AGBL1: variants seen among roughly 807,000 people sequenced by gnomAD.
The protein encoded by AGBL1 is cytosolic carboxypeptidase 4.
A neutral mutation model predicts 118.9 loss-of-function variants in AGBL1; 130 were observed. The ratio of observed to expected loss-of-function variants is 1.09; its 90% CI spans 0.95 to 1.26. AGBL1 has a LOEUF of 1.26. Ranked by LOEUF, AGBL1 falls within the 50% of genes most tolerant of loss-of-function variation. The pLI, the probability that AGBL1 is intolerant of heterozygous loss-of-function variation, is 0.00. For synonymous variants in AGBL1, 555 were observed against 478.9 expected (o/e 1.16, Z -2.08); for missense variants, 1,584 against 1,298.1 (o/e 1.22, Z -3.38).
chr15:86,993,613 T>C (rs76864825), intron 24 of AGBL1, among the ~76,000 whole-genome samples: 3,252 of 152,278 alleles, frequency 0.021, 103 homozygotes, highest in African/African-American at 0.073. Flanking sequence ...ATGCTGCCTT[T>C]GTTGAAGTTC....
chr15:86,485,144 G>A (rs906107541), intron 18 of AGBL1, among the ~76,000 whole-genome samples: 9 of 152,064 alleles, frequency 5.9e-5, no homozygotes, highest in African/African-American at 1.7e-4. Flanking sequence ...CTAAGCCGTC[G>A]CTACTTCAAG....
At chr15:86,309,869 A>G (rs189946747) in intron 17 of AGBL1, among the ~76,000 whole-genome samples, 283 of 152,264 alleles carry the variant, frequency 1.9e-3, no homozygotes, top group Admixed American at 3.4e-3. Context: ...ATGTTTATCA[A>G]ATATATTGGC....
intron 4 of AGBL1, among the ~76,000 whole-genome samples, chr15:86,157,207 C>G (rs191389743): frequency 6.6e-6 from 1 of 152,216 alleles, no homozygotes; most frequent in African/African-American, 2.4e-5. Context: ...CAGATGGAGC[C>G]TCTACTCACC....
At chr15:86,350,628 C>T (rs746352977) in intron 17 of AGBL1, among the ~76,000 whole-genome samples, 5 of 152,110 alleles carry the variant, frequency 3.3e-5, no homozygotes, top group Admixed American at 6.6e-5. Flanking sequence ...TCTACGGACA[C>T]GGGCTAGAGA....
chr15:86,363,287 T>G (rs113531881), intron 17 of AGBL1, among the ~76,000 whole-genome samples: 13 of 152,324 alleles, frequency 8.5e-5, no homozygotes, highest in African/African-American at 2.9e-4. Context: ...GCTATCTTAC[T>G]GGTGTCATTT....
At chr15:86,420,986 G>A (rs2142023584) in intron 18 of AGBL1, among the ~76,000 whole-genome samples, 1 of 152,290 alleles carries the variant, frequency 6.6e-6, no homozygotes, top group South Asian at 2.1e-4. Flanking sequence ...ATGTTTGATT[G>A]GTGTACCTGA....
intron 17 of AGBL1, among the ~76,000 whole-genome samples, chr15:86,298,275 ATATATG>A (rs1220257981): frequency 1.8e-5 from 2 of 111,364 alleles, no homozygotes; most frequent in South Asian, 2.6e-4. Flanking sequence ...ATATATATAT[ATATATG>A]GTAACTATAT....
chr15:86,841,041 T>A (rs1345095608), intron 22 of AGBL1, among the ~76,000 whole-genome samples: 1 of 152,224 alleles, frequency 6.6e-6, no homozygotes. Flanking sequence ...TTGAAATTTC[T>A]TCCCTACCAT....
At chr15:86,098,677 T>C (rs543122516) in intron 1 of AGBL1, among the ~76,000 whole-genome samples, 2 of 152,222 alleles carry the variant, frequency 1.3e-5, no homozygotes, top group African/African-American at 2.4e-5. Flanking sequence ...TCTATGTATC[T>C]GTTTTTGTAC....
chr15:86,921,227 T>G (rs971305959), intron 23 of AGBL1, among the ~76,000 whole-genome samples: 2 of 152,142 alleles, frequency 1.3e-5, no homozygotes, highest in Non-Finnish European at 2.9e-5. Flanking sequence ...GTTTAATGAT[T>G]TGGGGGTCAA....
intron 3 of AGBL1, among the ~76,000 whole-genome samples, chr15:86,148,178 C>A (rs1176998085): frequency 6.6e-6 from 1 of 152,150 alleles, no homozygotes; most frequent in Non-Finnish European, 1.5e-5. Flanking sequence ...GGGGAGAAAC[C>A]AGAGCAGAAA....
chr15:86,792,294 C>A (rs573207996), intron 22 of AGBL1, among the ~76,000 whole-genome samples: 37 of 152,168 alleles, frequency 2.4e-4, no homozygotes, highest in African/African-American at 8.4e-4. Flanking sequence ...CTTTCATGTT[C>A]TAATTTGATT....
chr15:86,532,392 C>T (rs2083362938), intron 19 of AGBL1, among the ~76,000 whole-genome samples: 2 of 144,326 alleles, frequency 1.4e-5, no homozygotes, highest in South Asian at 2.3e-4. Context: ...ACCTAGGAAT[C>T]CAACTTACAA....
At chr15:86,378,115 T>C (rs554456015) in intron 17 of AGBL1, among the ~76,000 whole-genome samples, 2 of 152,266 alleles carry the variant, frequency 1.3e-5, no homozygotes, top group South Asian at 2.1e-4. Flanking sequence ...TGTGTACATA[T>C]GTATGTATAA....
intron 17 of AGBL1, among the ~76,000 whole-genome samples, chr15:86,341,842 A>C (rs1465751881): frequency 2.0e-5 from 3 of 152,134 alleles, no homozygotes; most frequent in African/African-American, 7.2e-5. Flanking sequence ...TTAAGGAGGA[A>C]GGAACATTAA....
intron 23 of AGBL1, among the ~76,000 whole-genome samples, chr15:86,986,688 T>C (rs747646706): frequency 1.8e-4 from 27 of 152,184 alleles, no homozygotes; most frequent in Non-Finnish European, 3.2e-4. Context: ...TAGATGAACA[T>C]TGTACATCTC....
intron 18 of AGBL1, among the ~76,000 whole-genome samples, chr15:86,493,767 G>A (rs1402085982): frequency 6.6e-6 from 1 of 151,806 alleles, no homozygotes; most frequent in Non-Finnish European, 1.5e-5. Flanking sequence ...AAACATCATC[G>A]ACTCCAGTGA....
intron 4 of AGBL1, among the ~76,000 whole-genome samples, chr15:86,155,697 C>T (rs914357834): frequency 6.6e-6 from 1 of 151,848 alleles, no homozygotes; most frequent in Non-Finnish European, 1.5e-5. Flanking sequence ...GGGGAAAGAA[C>T]GTGGGCTTAG....
chr15:86,665,111 A>G (rs1004148305), intron 21 of AGBL1, among the ~76,000 whole-genome samples: 4 of 152,220 alleles, frequency 2.6e-5, no homozygotes, highest in Admixed American at 6.5e-5. Flanking sequence ...TATACTTTAC[A>G]TTATGATTAT....
Sources: allele counts gnomAD v4.1 joint callset (sites outside exome capture counted in the v4.1 genomes callset), GRCh38; gene constraint gnomAD v4.1.1; transcripts MANE v1.5; gene names NCBI Gene and HGNC (gene_info 2026-07-23, HGNC 2026-07-21).